ZSWIM4: variants seen among roughly 807,000 people sequenced by gnomAD.
ZSWIM4 encodes the protein zinc finger SWIM domain-containing protein 4.
In ZSWIM4, 62 loss-of-function variants were observed where a neutral mutation model predicts 102.5. The observed-to-expected ratio is 0.60, with a 90% CI of 0.49 to 0.75. ZSWIM4 has a LOEUF of 0.75. ZSWIM4 is among the 30% of genes least tolerant of loss of function. ZSWIM4 has a pLI of 0.00. For missense variants in ZSWIM4, 1,280 were observed against 1,529.6 expected (o/e 0.84, Z 2.72); for synonymous variants, 652 against 674.5 (o/e 0.97, Z 0.52).
intron 5 of ZSWIM4, among the ~76,000 whole-genome samples, chr19:13,812,139 A>C (rs772508248): frequency 6.6e-6 from 1 of 152,170 alleles, no homozygotes; most frequent in Non-Finnish European, 1.5e-5. Flanking sequence ...CGTGCAGGCT[A>C]ATCAAAAATA....
rs1436130176 is a variant in ZSWIM4 at position 13,830,323 on chromosome 19, G to A, written c.2594G>A (p.Arg865Lys). Residue 865 changes from arginine (R) to lysine (K), a missense_variant, in exon 14 of 14, where the codon AGG becomes AAG. Transcript: ENST00000590508. ...CGACTGCAGCTGGACACATCGCGGA[G>A]GGAGGAGCTCTGGGCCTGCGCCCGC... Reference protein sequence around the residue: ...LLRLQLDTSRREELWACARTL... With the variant: ...LLRLQLDTSRKEELWACARTL... The A allele has an allele frequency of 1.2e-6, 2 of 1,613,474 alleles. No homozygotes were observed. The highest frequency in any genetic ancestry group is 1.3e-5 in the African/African-American group (1 of 74,950).
Position 13,814,829 on chromosome 19 carries a change from C to T in ZSWIM4, c.1495C>T (p.Arg499Trp), listed in dbSNP as rs1428080431. ...CATCAACACACTCCGGCTGCAGCAG[C>T]GGCATCAGCTAGAGAGCTACAAGCA... Reference protein sequence around the residue: ...AIINTLRLQQRHQLESYKQQK... With the variant: ...AIINTLRLQQWHQLESYKQQK... Residue 499 changes from arginine (R) to tryptophan (W), a missense_variant, in exon 7 of 14, where the codon CGG becomes TGG. Arg to Trp is a moderately radical substitution (Grantham distance 101). Coordinates refer to ENST00000590508, the MANE Select transcript of ZSWIM4 (RefSeq NM_001367834.3). 23 of 1,271,786 alleles carry T rather than the reference C, an allele frequency of 1.8e-5. No individual in the cohort carries two copies. The highest frequency in any genetic ancestry group is 2.1e-5 in the Non-Finnish European group (20 of 974,990). 78.8% of individuals were successfully genotyped at this position (1,271,786 alleles called of 1,614,324 possible). A position where few individuals can be genotyped will look rare whatever the true frequency, so the allele number is the denominator to read the frequency against.
intron 2 of ZSWIM4, 93 bp downstream of exon 2, chr19:13,800,014 G>T (rs879000274): frequency 1.5e-6 from 2 of 1,310,852 alleles, no homozygotes; most frequent in African/African-American, 1.5e-5. Context: ...GGGGCCAGGG[G>T]ATGGGAGGTT....
At chr19:13,808,699 A>G in intron 3 of ZSWIM4, 137 bp from the exon 4 acceptor site, 4 of 919,704 alleles carry the variant, frequency 4.3e-6, no homozygotes, top group Non-Finnish European at 6.3e-6. Flanking sequence ...AGATCGTGCT[A>G]CAGCACTCCA....
intron 10 of ZSWIM4, among the ~76,000 whole-genome samples, chr19:13,821,882 A>G (rs112327372): frequency 0.061 from 9,302 of 151,966 alleles, 923 homozygotes; most frequent in African/African-American, 0.21. Flanking sequence ...GACTACAGTC[A>G]CCCACCACCA....
In ZSWIM4 at chr19:13,813,157, C is replaced by A; in HGVS notation, c.1173C>A (p.Pro391=). The change falls in exon 6 of 14, where the codon CCC becomes CCA. Residue 391 remains proline (P), a synonymous_variant. Coordinates refer to ENST00000590508, the MANE Select transcript of ZSWIM4 (RefSeq NM_001367834.3). ...CCAGCCTGCAGCCCACCATGGCCCC[C>A]GCCCCAGGTAGGAGAGAGGGGTCTT... The part of the protein sequence containing the change: ...DGPSLQPTMA[P]APGSEEEEEV... 6.2e-7 allele frequency: 1 copy of A among 1,611,684 alleles called. No homozygotes were observed. Among genetic ancestry groups the A allele is most frequent in the Non-Finnish European group, 8.5e-7 (1 of 1,178,484 alleles).
At chr19:13,813,615 A>G (rs1157695356) in intron 6 of ZSWIM4, among the ~76,000 whole-genome samples, 3 of 151,008 alleles carry the variant, frequency 2.0e-5, no homozygotes, top group African/African-American at 4.9e-5. Context: ...GGAGAGAGGG[A>G]AAAAAAAATT....
intron 10 of ZSWIM4, among the ~76,000 whole-genome samples, 161 bp from the exon 11 acceptor site, chr19:13,823,185 A>T (rs1300691062): frequency 6.6e-6 from 1 of 152,102 alleles, no homozygotes; most frequent in African/African-American, 2.4e-5. Context: ...TTTATAAACA[A>T]CACTGCAGTG....
Position 13,828,628 on chromosome 19 carries a change from C to T in ZSWIM4, c.2380-17C>T, listed in dbSNP as rs1975674243. 1 of 1,613,780 alleles carries T rather than the reference C, an allele frequency of 6.2e-7. No individual in the cohort carries two copies. On this transcript the variant is annotated splice_polypyrimidine_tract_variant and intron_variant, in intron 12 of 13. Coordinates refer to ENST00000590508, the MANE Select transcript of ZSWIM4 (RefSeq NM_001367834.3). ...AAGACTCAGGCTAACCCCCTTCTCC[C>T]CACCCCTACCTTGCAGGTGATGCGG...
intron 2 of ZSWIM4, among the ~76,000 whole-genome samples, chr19:13,803,057 G>C (rs1974816448): frequency 6.6e-6 from 1 of 152,220 alleles, no homozygotes. Flanking sequence ...TGAGGCCTGG[G>C]ACTCCAGACC....
At chr19:13,821,905 T>C (rs1308902670) in intron 10 of ZSWIM4, among the ~76,000 whole-genome samples, 3 of 151,948 alleles carry the variant, frequency 2.0e-5, no homozygotes, top group Admixed American at 6.6e-5. Context: ...CCTGGTTAAT[T>C]TTTTGTATTT....
rs371862043 is a variant in ZSWIM4, at chr19:13,808,975, G to C, written c.852G>C (p.Met284Ile). The part of the protein sequence containing the change: ...YYGASQQLRS[M>I]FSKVREMLRM... ...GGGCCAGCCAGCAGCTGCGCTCCAT[G>C]TTCAGCAAGGTGCCGTGCGGGCCGG... The change falls in exon 4 of 14, where the codon ATG (methionine) becomes ATC (isoleucine). Residue 284 changes from methionine (M) to isoleucine (I), a missense_variant. Met to Ile is a conservative substitution (Grantham distance 10). Transcript: ENST00000590508. The C allele has an allele frequency of 1.2e-6, 2 of 1,611,222 alleles. No individual in the cohort carries two copies. The highest frequency in any genetic ancestry group is 1.3e-5 in the African/African-American group (1 of 75,014).
At chr19:13,820,487 T>C (rs112275363) in intron 10 of ZSWIM4, among the ~76,000 whole-genome samples, 1,586 of 152,342 alleles carry the variant, frequency 0.01, 24 homozygotes, top group African/African-American at 0.037. Context: ...CCGCCCACCT[T>C]GGCTTTCCAA....
chr19:13,812,112 G>A (rs536529035), intron 5 of ZSWIM4, among the ~76,000 whole-genome samples: 1 of 152,068 alleles, frequency 6.6e-6, no homozygotes, highest in African/African-American at 2.4e-5. Context: ...AAATAAAAAG[G>A]GAAAAATAAA....
chr19:13,811,032 G>C (rs563163326), intron 5 of ZSWIM4, among the ~76,000 whole-genome samples: 1 of 148,432 alleles, frequency 6.7e-6, no homozygotes, highest in East Asian at 2.0e-4. Flanking sequence ...TCCTGCCTCA[G>C]CCTCCCGAGT....
At chr19:13,810,803 G>A (rs1236161302) in intron 5 of ZSWIM4, among the ~76,000 whole-genome samples, 2 of 148,686 alleles carry the variant, frequency 1.3e-5, no homozygotes, top group African/African-American at 5.0e-5. Flanking sequence ...GTAGCAACGG[G>A]GTTTCACTGG....
Position 13,795,778 on chromosome 19 carries a change from G to T in ZSWIM4, c.130G>T (p.Ala44Ser). 8.0e-7 allele frequency: 1 copy of T among 1,251,572 alleles called. No homozygotes were observed. Among genetic ancestry groups the T allele is most frequent in the Admixed American group, 3.7e-5 (1 of 27,238 alleles). The allele number at this position is 1,251,572 out of a possible 1,614,324, so 77.5% of individuals were successfully genotyped here. The change falls in exon 1 of 14, where the codon GCC becomes TCC. Residue 44 changes from alanine (A) to serine (S), a missense_variant. By Grantham distance (99) the Ala-to-Ser change is moderately conservative. Transcript: ENST00000590508. ...ALLDLSAKRV[A>S]ESWAFEQVEE... ...GCTGGACCTCAGCGCCAAGCGGGTA[G>T]CCGAGAGCTGGGCCTTCGAGCAGGT...
chr19:13,814,439 G>A, intron 6 of ZSWIM4, 76 bp from the exon 7 acceptor site: 1 of 837,854 alleles, frequency 1.2e-6, no homozygotes, highest in Non-Finnish European at 1.5e-6. Context: ...GTTAGTACTT[G>A]GTGGGAAAAG....
chr19:13,806,455 C>G (rs529642787), intron 3 of ZSWIM4, among the ~76,000 whole-genome samples: 1 of 151,916 alleles, frequency 6.6e-6, no homozygotes, highest in South Asian at 2.1e-4. Flanking sequence ...TCACTCGAGA[C>G]CAGCAGTTCA....
Sources: allele counts gnomAD v4.1 joint callset (sites outside exome capture counted in the v4.1 genomes callset), GRCh38; gene constraint gnomAD v4.1.1; transcripts MANE v1.5; gene names NCBI Gene and HGNC (gene_info 2026-07-23, HGNC 2026-07-21).